The following LYN variants were observed in gnomAD, a reference collection of about 807,000 sequenced individuals.
LYN encodes the protein tyrosine-protein kinase Lyn.
In LYN, 12 loss-of-function variants were observed where a neutral mutation model predicts 65.0. That is an observed-to-expected ratio of 0.18 (90% CI 0.12 to 0.30). LYN has a LOEUF of 0.30. Ranked by LOEUF, LYN falls within the 10% of genes least tolerant of loss-of-function variation. The pLI is 1.00. For missense variants in LYN, 380 were observed against 623.2 expected (o/e 0.61, Z 4.16); for synonymous variants, 222 against 221.2 (o/e 1.00, Z -0.03).
At chr8:55,906,111 C>T (rs547310254) in intron 1 of LYN, among the ~76,000 whole-genome samples, 36 of 152,254 alleles carry the variant, frequency 2.4e-4, no homozygotes, top group Middle Eastern at 3.4e-3. Flanking sequence ...ATGGTGAGGT[C>T]GCCCTGTAAA....
chr8:55,953,742 T>C (rs1009250481), intron 7 of LYN, 90 bp from the exon 8 acceptor site: 14 of 1,249,356 alleles, frequency 1.1e-5, no homozygotes, highest in Non-Finnish European at 1.6e-5. Flanking sequence ...GGTTGGACAC[T>C]ATAAGGCTAG....
intron 12 of LYN, among the ~76,000 whole-genome samples, chr8:55,999,980 A>C (rs544325263): frequency 2.6e-5 from 4 of 152,324 alleles, no homozygotes; most frequent in Admixed American, 6.5e-5. Flanking sequence ...CGAAACAAAA[A>C]AAAGACTTGA....
At chr8:56,000,163 C>A (rs888896381) in intron 12 of LYN, among the ~76,000 whole-genome samples, 1 of 152,110 alleles carries the variant, frequency 6.6e-6, no homozygotes, top group Non-Finnish European at 1.5e-5. Context: ...ACAGGGGCTC[C>A]TCCAAGGCAG....
At position 55,880,028 on chromosome 8, in the gene LYN, C is replaced by T; in HGVS notation, c.-81C>T. On this transcript the variant is annotated 5_prime_UTR_variant, in exon 1 of 13. Transcript: ENST00000519728. ...CTCCCCATACGCAGGTCCTGCTGGG[C>T]CGCCCCGTCGCGCCCCCCACTCTGA... is the stretch of plus-strand genomic sequence containing the variant. 3.2e-6 allele frequency: 1 copy of T among 310,506 alleles called. No individual in the cohort carries two copies. The allele number at this position is 310,506 out of a possible 1,614,324, so 19.2% of individuals were successfully genotyped here.
At chr8:55,988,893 CCAAAAAA>C (rs1808160346) in intron 10 of LYN, among the ~76,000 whole-genome samples, 1 of 151,720 alleles carries the variant, frequency 6.6e-6, no homozygotes, top group Non-Finnish European at 1.5e-5. Context: ...AAAAAAAAAC[CCAAAAAA>C]CAAAAAACTC....
Position 55,928,391 on chromosome 8 carries a change from C to T in LYN, c.-5-13464C>T, listed in dbSNP as rs574340196. 4.6e-5 allele frequency among the ~76,000 whole-genome samples: 7 copies of T among 152,284 alleles called. No individual in the cohort carries two copies. The East Asian group carries it at 5.8e-4, about 13-fold the overall frequency. ...CAACTCCTGACCTCAGGTGATCCGCCGACCTTGGCCTCCCAAAGTGCTGGG... is the reference window on the plus strand; with the variant it reads ...CAACTCCTGACCTCAGGTGATCCGCTGACCTTGGCCTCCCAAAGTGCTGGG... On this transcript the variant is annotated intron_variant, in intron 1 of 12. Coordinates refer to ENST00000519728, the MANE Select transcript of LYN (RefSeq NM_002350.4).
chr8:55,891,630 C>T (rs13277429), intron 1 of LYN, among the ~76,000 whole-genome samples: 58,864 of 151,774 alleles, frequency 0.39, 12,118 homozygotes, highest in East Asian at 0.67. Context: ...GATGGTTATA[C>T]AAGAATATGA....
intron 2 of LYN, among the ~76,000 whole-genome samples, chr8:55,946,094 G>A (rs1443113606): frequency 1.3e-5 from 2 of 152,176 alleles, no homozygotes; most frequent in African/African-American, 4.8e-5. Context: ...CCCTCTGCCC[G>A]GGGCTAGAGA....
rs1212268465 is a variant in LYN, at chr8:55,902,333, T to TC, written c.-6+22230_-6+22231insC. Among the ~76,000 whole-genome samples the TC allele has an allele frequency of 2.4e-4, 33 of 137,792 alleles. No homozygotes were observed. The East Asian group carries it at 6.5e-3, about 27-fold the overall frequency. The allele number at this position is 137,792 out of a possible 152,430, so 90.4% of individuals were successfully genotyped here. ...GTAACAGTGTACTTTCTTTCTTTCT[T>TC]TTTTTTTTTTTTGAGATGGAATTTC... is the stretch of plus-strand genomic sequence containing the variant. On this transcript the variant is annotated intron_variant, in intron 1 of 12. Transcript: ENST00000519728.
intron 12 of LYN, among the ~76,000 whole-genome samples, chr8:56,001,994 G>T (rs761393842): frequency 6.6e-6 from 1 of 152,098 alleles, no homozygotes; most frequent in Non-Finnish European, 1.5e-5. Flanking sequence ...TTTGAAAAAA[G>T]AACTGGCTGG....
At chr8:55,899,342 C>T (rs1036846421) in intron 1 of LYN, among the ~76,000 whole-genome samples, 1 of 152,054 alleles carries the variant, frequency 6.6e-6, no homozygotes, top group African/African-American at 2.4e-5. Context: ...TCAGCCGGAC[C>T]CCTAAACTGA....
chr8:55,925,412 T>G (rs1461257184), intron 1 of LYN, among the ~76,000 whole-genome samples: 1 of 152,240 alleles, frequency 6.6e-6, no homozygotes, highest in Non-Finnish European at 1.5e-5. Context: ...TCCGAGCCAC[T>G]GCGCTCCACC....
chr8:55,885,043 CCTT>C lies in LYN; in HGVS notation c.-6+4946_-6+4948del, dbSNP rs568645985. Among the ~76,000 whole-genome samples, 16 of 152,272 alleles carry C rather than the reference CCTT, an allele frequency of 1.1e-4. No individual in the cohort carries two copies. In the South Asian group the frequency reaches 1.7e-3, roughly 16 times the overall value. ...TATTAACCCTCAGGCTTCCAGTACC[CCTT>C]CTTCTGCTCTCCCCACTTCATTCCC... On this transcript the variant is annotated intron_variant, in intron 1 of 12. Coordinates refer to ENST00000519728, the MANE Select transcript of LYN (RefSeq NM_002350.4).
intron 1 of LYN, among the ~76,000 whole-genome samples, chr8:55,887,119 A>T (rs1192244094): frequency 6.6e-6 from 1 of 152,244 alleles, no homozygotes; most frequent in Non-Finnish European, 1.5e-5. Context: ...TAAAACATTC[A>T]ATTACAGTTA....
intron 10 of LYN, among the ~76,000 whole-genome samples, chr8:55,989,595 T>C (rs1333253964): frequency 2.6e-5 from 4 of 152,256 alleles, no homozygotes; most frequent in African/African-American, 9.6e-5. Context: ...GACTTTCTAC[T>C]TTAACATTGT....
chr8:55,946,359 GCTA>G (rs1806777402), intron 2 of LYN, 86 bp from the exon 3 acceptor site: 1 of 839,790 alleles, frequency 1.2e-6, no homozygotes, highest in African/African-American at 1.7e-5. Flanking sequence ...CCTAACATCT[GCTA>G]CTGTTACAAA....
rs996384220 is a variant in LYN at position 56,014,023 on chromosome 8, T to A, written c.*3913T>A. On this transcript the variant is annotated 3_prime_UTR_variant, in exon 13 of 13. Coordinates refer to ENST00000519728, the MANE Select transcript of LYN (RefSeq NM_002350.4). ...GTGCTTTGGCAAATGATAAAAATTATCTCTAACTCACACAACGACCCTGGA... is the reference window on the plus strand; with the variant it reads ...GTGCTTTGGCAAATGATAAAAATTAACTCTAACTCACACAACGACCCTGGA... 1 of 152,196 alleles carries A rather than the reference T, an allele frequency of 6.6e-6. No individual in the cohort carries two copies. Among genetic ancestry groups the A allele is most frequent in the Non-Finnish European group, 1.5e-5 (1 of 68,040 alleles). The allele number at this position is 152,196 out of a possible 1,614,324, so 9.4% of individuals were successfully genotyped here. A position where few individuals can be genotyped will look rare whatever the true frequency, so the allele number is the denominator to read the frequency against.
intron 8 of LYN, among the ~76,000 whole-genome samples, chr8:55,959,528 G>A (rs1807215328): frequency 6.6e-6 from 1 of 152,170 alleles, no homozygotes; most frequent in Admixed American, 6.5e-5. Context: ...TCACATTAGT[G>A]CAAAGGCTAT....
intron 1 of LYN, among the ~76,000 whole-genome samples, chr8:55,911,099 ACATACACG>A (rs1220380217): frequency 1.2e-3 from 26 of 21,854 alleles, no homozygotes; most frequent in Non-Finnish European, 1.7e-3. Flanking sequence ...ATATATATAT[ACATACACG>A]TATATATACG....
Sources: gnomAD v4.1 joint callset for allele counts (sites outside exome capture counted in the v4.1 genomes callset) on GRCh38, gnomAD v4.1.1 for gene constraint, MANE v1.5 for transcripts, NCBI Gene and HGNC (gene_info 2026-07-23, HGNC 2026-07-21) for gene names.